Variants in PCDH15 observed in about 807,000 individuals in gnomAD.
The protein encoded by PCDH15 is protocadherin-15.
PCDH15 carries 129 observed loss-of-function variants against 178.5 expected under a neutral mutation model. The observed-to-expected ratio is 0.72, with a 90% CI of 0.63 to 0.84. The LOEUF (loss-of-function observed/expected upper bound fraction) is 0.84, where lower values mean the gene tolerates loss of function less well. PCDH15 is among the 40% of genes least tolerant of loss of function. The pLI is 0.00. For missense variants in PCDH15, 2,230 were observed against 2,099.9 expected (o/e 1.06, Z -1.21); for synonymous variants, 800 against 732.0 (o/e 1.09, Z -1.50).
At chr10:53,811,312 C>T (rs2075855617) in intron 36 of PCDH15, among the ~76,000 whole-genome samples, 1 of 152,030 alleles carries the variant, frequency 6.6e-6, no homozygotes. Flanking sequence ...AATAATTTTA[C>T]CGCATTTCTA....
In PCDH15 at chr10:53,816,272, C is replaced by T. The variant is rs2076056601; in HGVS notation, c.4458G>A (p.Gln1486=). 2.5e-6 allele frequency: 1 copy of T among 398,528 alleles called. No individual in the cohort carries two copies. Among genetic ancestry groups the T allele is most frequent in the Non-Finnish European group, 4.4e-6 (1 of 225,938 alleles). The allele number at this position is 398,528 out of a possible 1,614,324, so 24.7% of individuals were successfully genotyped here. The change falls in exon 35 of 38, where the codon CAG becomes CAA. Residue 1486 remains glutamine, a synonymous_variant. Coordinates refer to ENST00000644397, the MANE Select transcript of PCDH15 (RefSeq NM_001384140.1). ...LTRRGYGSEQ[Q]QLLRPSLLKP... is the part of the protein sequence containing the mutation. ...TAAGAAGAGAGGGCCTCAGCAGTTG[C>T]TGTTGCTGTCAAAGGAAATTAAAAT...
At chr10:55,106,157 A>T (rs1564802941) in intron 2 of PCDH15, among the ~76,000 whole-genome samples, 1 of 152,206 alleles carries the variant, frequency 6.6e-6, no homozygotes, top group Admixed American at 6.5e-5. Flanking sequence ...GATAGGATTG[A>T]AATATTTTCA....
At chr10:55,500,689 GTC>G (rs1840638441) in intron 2 of PCDH15, among the ~76,000 whole-genome samples, 1 of 151,750 alleles carries the variant, frequency 6.6e-6, no homozygotes, top group Non-Finnish European at 1.5e-5. Context: ...AGAAATCTGT[GTC>G]TACACTACCT....
chr10:54,865,235 C>A (rs1303740688), intron 3 of PCDH15, among the ~76,000 whole-genome samples: 2 of 152,132 alleles, frequency 1.3e-5, no homozygotes, highest in African/African-American at 2.4e-5. Flanking sequence ...ACAAAGCAGG[C>A]AGAAGAAGGT....
At chr10:54,258,619 C>T (rs934933563) in intron 8 of PCDH15, among the ~76,000 whole-genome samples, 6 of 152,034 alleles carry the variant, frequency 3.9e-5, no homozygotes, top group African/African-American at 1.5e-4. Flanking sequence ...AGTGAACCAC[C>T]CAGGTATGTC....
chr10:53,882,153 A>C lies in PCDH15; in HGVS notation c.3502-15296T>G, dbSNP rs557471878. On this transcript the variant is annotated intron_variant, in intron 26 of 37. Coordinates refer to ENST00000644397, the MANE Select transcript of PCDH15 (RefSeq NM_001384140.1). Reference sequence around the variant, plus strand: ...GAGAAAAGCTGAGTGTTGGCAGAGAAGCTGAGGCAGGGCTTGCATGTCTGT... The same window carrying C: ...GAGAAAAGCTGAGTGTTGGCAGAGACGCTGAGGCAGGGCTTGCATGTCTGT... Among the ~76,000 whole-genome samples the C allele has an allele frequency of 5.2e-3, 719 of 137,136 alleles. 9 individuals carry two copies. The highest frequency in any genetic ancestry group is 0.018 in the African/African-American group (685 of 37,980). 90.0% of individuals were successfully genotyped at this position (137,136 alleles called of 152,430 possible). A position where few individuals can be genotyped will look rare whatever the true frequency, so the allele number is the denominator to read the frequency against.
chr10:54,885,207 T>C (rs983015120), intron 3 of PCDH15, among the ~76,000 whole-genome samples: 4 of 151,958 alleles, frequency 2.6e-5, no homozygotes, highest in Non-Finnish European at 4.4e-5. Context: ...TAAAATGTAC[T>C]AAACTAGCAG....
chr10:54,928,979 GT>G (rs1200877908), intron 2 of PCDH15, among the ~76,000 whole-genome samples: 1 of 152,208 alleles, frequency 6.6e-6, no homozygotes, highest in African/African-American at 2.4e-5. Flanking sequence ...AGGTGATGTG[GT>G]TGTCTGGAGG....
At chr10:55,340,437 G>C (rs1388327495) in intron 2 of PCDH15, among the ~76,000 whole-genome samples, 1 of 151,736 alleles carries the variant, frequency 6.6e-6, no homozygotes, top group African/African-American at 2.4e-5. Flanking sequence ...TCTTATGATG[G>C]GAAGTTAATC....
chr10:54,703,340 A>G lies in PCDH15; in HGVS notation c.-28-39050T>C, dbSNP rs547815797. ...GAGGAAGAAAAGAATGCCCACTCCTACCATTCCTATTTAACATAGTACTTC... is the reference window on the plus strand; with the variant it reads ...GAGGAAGAAAAGAATGCCCACTCCTGCCATTCCTATTTAACATAGTACTTC... On this transcript the variant is annotated intron_variant, in intron 1 of 37. Coordinates refer to ENST00000644397, the MANE Select transcript of PCDH15 (RefSeq NM_001384140.1). Among the ~76,000 whole-genome samples the G allele has an allele frequency of 5.0e-4, 76 of 152,192 alleles. 2 individuals are homozygous for G. In the South Asian group the frequency reaches 0.011, roughly 22 times the overall value.
chr10:54,837,559 AT>A (rs1953337392), intron 3 of PCDH15, among the ~76,000 whole-genome samples: 1 of 152,208 alleles, frequency 6.6e-6, no homozygotes, highest in African/African-American at 2.4e-5. Context: ...GATTTATAAA[AT>A]TGGAAAGTGG....
At chr10:54,022,238 G>A (rs1044909486) in intron 19 of PCDH15, among the ~76,000 whole-genome samples, 2 of 151,992 alleles carry the variant, frequency 1.3e-5, no homozygotes, top group African/African-American at 4.8e-5. Context: ...GTTCAGGACT[G>A]TGTAATTTAT....
intron 5 of PCDH15, 148 bp from the exon 6 acceptor site, chr10:54,346,632 A>T: frequency 1.1e-6 from 1 of 891,700 alleles, no homozygotes; most frequent in Non-Finnish European, 1.8e-6. Context: ...TCAAAAGAAC[A>T]GTTTTGAGCC....
At chr10:55,218,110 T>C (rs571353549) in intron 1 of PCDH15, among the ~76,000 whole-genome samples, 3 of 152,110 alleles carry the variant, frequency 2.0e-5, no homozygotes, top group Non-Finnish European at 2.9e-5. Flanking sequence ...TTTCTAGTCC[T>C]CACAATAACC....
At chr10:55,182,787 C>G (rs887044314) in intron 1 of PCDH15, among the ~76,000 whole-genome samples, 5 of 151,966 alleles carry the variant, frequency 3.3e-5, no homozygotes, top group African/African-American at 1.2e-4. Flanking sequence ...AAATGATGTA[C>G]TTTTAGTTCC....
chr10:54,610,024 G>A (rs1487447457), intron 2 of PCDH15, among the ~76,000 whole-genome samples: 4 of 151,774 alleles, frequency 2.6e-5, no homozygotes, highest in Non-Finnish European at 2.9e-5. Flanking sequence ...TTTTTCATGG[G>A]TAAAATAGCC....
At chr10:54,997,827 T>C (rs931713984) in intron 2 of PCDH15, among the ~76,000 whole-genome samples, 18 of 152,168 alleles carry the variant, frequency 1.2e-4, no homozygotes, top group African/African-American at 4.1e-4. Flanking sequence ...TACATGTGAA[T>C]GGTATTAGTG....
intron 2 of PCDH15, among the ~76,000 whole-genome samples, chr10:55,011,735 T>C (rs1366775089): frequency 6.6e-6 from 1 of 150,384 alleles, no homozygotes; most frequent in Non-Finnish European, 1.5e-5. Context: ...ATAAGAGGAG[T>C]GGAAAGACAG....
At position 53,973,002 on chromosome 10, in the gene PCDH15, T is replaced by C. The variant is rs569663651; in HGVS notation, c.2869-11110A>G. On this transcript the variant is annotated intron_variant, in intron 21 of 37. Coordinates refer to ENST00000644397, the MANE Select transcript of PCDH15 (RefSeq NM_001384140.1). ...AAGACACATGCACACCTATGTTTAT[T>C]GTGGTACTATTCACAATAGCAAAGA... is the stretch of plus-strand genomic sequence containing the variant. Among the ~76,000 whole-genome samples the C allele has an allele frequency of 8.7e-4, 133 of 152,198 alleles. No individual in the cohort carries two copies. In the Middle Eastern group the frequency reaches 0.014, roughly 16 times the overall value.
Sources: gnomAD v4.1 joint callset for allele counts (sites outside exome capture counted in the v4.1 genomes callset) on GRCh38, gnomAD v4.1.1 for gene constraint, MANE v1.5 for transcripts, NCBI Gene and HGNC (gene_info 2026-07-23, HGNC 2026-07-21) for gene names.